Variants in PCDHGA2 observed in about 807,000 individuals in gnomAD.
PCDHGA2 encodes protocadherin gamma subfamily A, 2.
A neutral mutation model predicts 59.2 loss-of-function variants in PCDHGA2; 40 were observed. That is an observed-to-expected ratio of 0.68 (90% CI 0.52 to 0.88). The LOEUF is 0.88. PCDHGA2 is among the 40% of genes least tolerant of loss of function. The pLI is 0.00. For missense variants in PCDHGA2, 1,226 were observed against 1,204.0 expected, an observed-to-expected ratio of 1.02 and a Z score of -0.27; for synonymous variants, 560 against 526.0, an observed-to-expected ratio of 1.06 and a Z score of -0.89.
rs2098293800 is a variant in PCDHGA2 at position 141,442,043 on chromosome 5, A to G, written c.2425-52764A>G. The G allele has an allele frequency of 1.9e-5, 4 of 205,506 alleles. No homozygotes were observed. In the South Asian group the frequency reaches 2.4e-4, roughly 12 times the overall value. The allele number at this position is 205,506 out of a possible 1,614,324, so 12.7% of individuals were successfully genotyped here. A position where few individuals can be genotyped will look rare whatever the true frequency, so the allele number is the denominator to read the frequency against. On this transcript the variant is annotated intron_variant, in intron 1 of 3. Transcript: ENST00000394576. ...ACAGGAAAGCGACTCGCCAGCGCCTACTGGTCGCGGTGCACTGCGGTGGAC... is the reference window on the plus strand; with the variant it reads ...ACAGGAAAGCGACTCGCCAGCGCCTGCTGGTCGCGGTGCACTGCGGTGGAC...
intron 1 of PCDHGA2, chr5:141,376,039 C>T (rs1772194852): frequency 7.4e-6 from 12 of 1,613,226 alleles, no homozygotes; most frequent in Non-Finnish European, 1.0e-5. Context: ...ACGGCCAGCC[C>T]CCTCTCTCCG....
intron 1 of PCDHGA2, among the ~76,000 whole-genome samples, chr5:141,429,387 T>TAA (rs11410533): frequency 2.6e-5 from 4 of 151,334 alleles, no homozygotes; most frequent in African/African-American, 4.9e-5. Flanking sequence ...GTTTTTTTTT[T>TAA]AAAAAAAATT....
intron 1 of PCDHGA2, chr5:141,367,897 G>C (rs1471279698): frequency 6.6e-6 from 1 of 151,856 alleles, no homozygotes; most frequent in Admixed American, 6.6e-5. Flanking sequence ...TTGAGTTTAA[G>C]GTTGTATTTG....
At position 141,408,728 on chromosome 5, in the gene PCDHGA2, C is replaced by T. The variant is rs371316574; in HGVS notation, c.2424+67333C>T. ...TAAAGATTATAAGATAAACTCTAAT[C>T]CTTATTTTTCATTAATGGTTAGAGT... On this transcript the variant is annotated intron_variant, in intron 1 of 3. Transcript: ENST00000394576. 6.2e-7 allele frequency: 1 copy of T among 1,610,292 alleles called. No homozygotes were observed. Among genetic ancestry groups the T allele is most frequent in the African/African-American group, 1.3e-5 (1 of 74,802 alleles).
intron 1 of PCDHGA2, chr5:141,365,132 G>T: frequency 1.9e-6 from 3 of 1,613,884 alleles, no homozygotes; most frequent in Admixed American, 1.7e-5. Flanking sequence ...AACCGCCACG[G>T]ATCCAGATGA....
At chr5:141,351,298 G>A (rs370335375) in intron 1 of PCDHGA2, 3 of 1,613,822 alleles carry the variant, frequency 1.9e-6, no homozygotes, top group Non-Finnish European at 2.5e-6. Flanking sequence ...TGACATTCAT[G>A]TCCTTCTCTA....
intron 1 of PCDHGA2, chr5:141,371,144 T>C: frequency 6.2e-7 from 1 of 1,614,014 alleles, no homozygotes; most frequent in Non-Finnish European, 8.5e-7. Flanking sequence ...ACAGGGTCAA[T>C]GTTGCAGAGA....
At chr5:141,351,946 G>T (rs753094111) in intron 1 of PCDHGA2, 3 of 1,613,116 alleles carry the variant, frequency 1.9e-6, no homozygotes, top group Admixed American at 3.3e-5. Context: ...TGTACCCCGC[G>T]CTGGGGCCTG....
intron 1 of PCDHGA2, chr5:141,389,501 G>A (rs752472089): frequency 3.7e-6 from 6 of 1,613,066 alleles, no homozygotes; most frequent in Non-Finnish European, 5.1e-6. Context: ...GCTCGCCAGC[G>A]CTCAGCGCGA....
intron 1 of PCDHGA2, among the ~76,000 whole-genome samples, chr5:141,492,559 C>G (rs533830391): frequency 2.0e-5 from 3 of 152,174 alleles, no homozygotes; most frequent in Non-Finnish European, 4.4e-5. Context: ...GCCTGGGGGG[C>G]GGCCTGAGCG....
At chr5:141,385,285 G>C in intron 1 of PCDHGA2, 1 of 1,613,408 alleles carries the variant, frequency 6.2e-7, no homozygotes, top group Non-Finnish European at 8.5e-7. Flanking sequence ...AACATCCGTA[G>C]ATTTTCAGGA....
At chr5:141,488,564 G>T (rs1047904416) in intron 1 of PCDHGA2, among the ~76,000 whole-genome samples, 1 of 152,154 alleles carries the variant, frequency 6.6e-6, no homozygotes, top group African/African-American at 2.4e-5. Context: ...TGAGATTTCC[G>T]CAAAGCATTG....
chr5:141,372,767 T>C, intron 1 of PCDHGA2: 1 of 1,612,184 alleles, frequency 6.2e-7, no homozygotes, highest in Non-Finnish European at 8.5e-7. Flanking sequence ...TTGAAAGTAA[T>C]GACAATCCAG....
At chr5:141,404,861 G>A in intron 1 of PCDHGA2, 1 of 1,613,848 alleles carries the variant, frequency 6.2e-7, no homozygotes, top group Non-Finnish European at 8.5e-7. Context: ...AGATAGAGAT[G>A]CGCTCAAACA....
At chr5:141,375,843 T>A (rs762152746) in intron 1 of PCDHGA2, 20 of 1,613,928 alleles carry the variant, frequency 1.2e-5, no homozygotes, top group Non-Finnish European at 1.6e-5. Context: ...CCCGGCTACC[T>A]GGTGACCAAG....
chr5:141,393,481 C>G (rs368525192), intron 1 of PCDHGA2: 11 of 1,613,948 alleles, frequency 6.8e-6, no homozygotes, highest in African/African-American at 5.3e-5. Flanking sequence ...CCGCCTCGCT[C>G]TAGCACAGTG....
intron 1 of PCDHGA2, among the ~76,000 whole-genome samples, chr5:141,481,250 C>A (rs1160186962): frequency 2.6e-5 from 4 of 152,144 alleles, no homozygotes; most frequent in Non-Finnish European, 5.9e-5. Context: ...TAGCATAGCT[C>A]TAAAAGATCA....
intron 1 of PCDHGA2, chr5:141,408,586 C>G: frequency 6.2e-7 from 1 of 1,613,976 alleles, no homozygotes; most frequent in Non-Finnish European, 8.5e-7. Context: ...ATGTTAATGA[C>G]CACGCCCCTC....
intron 1 of PCDHGA2, chr5:141,400,274 G>C: frequency 6.2e-7 from 1 of 1,614,032 alleles, no homozygotes; most frequent in Non-Finnish European, 8.5e-7. Flanking sequence ...CGCTCCTCCA[G>C]CCCTGCCGCC....
Sources: gnomAD v4.1 joint callset for allele counts (sites outside exome capture counted in the v4.1 genomes callset) on GRCh38, gnomAD v4.1.1 for gene constraint, MANE v1.5 for transcripts, NCBI Gene and HGNC (gene_info 2026-07-23, HGNC 2026-07-21) for gene names.